The following PROM2 variants were observed in gnomAD, a reference collection of about 807,000 sequenced individuals.
PROM2 encodes prominin-2.
Under a neutral mutation model 110.2 loss-of-function variants are expected in PROM2, and 90 were observed. The ratio of observed to expected loss-of-function variants is 0.82; its 90% CI spans 0.69 to 0.97. The LOEUF is 0.97. PROM2 is among the 50% of genes least tolerant of loss of function. The pLI is 0.00. For synonymous variants in PROM2, 470 were observed against 467.8 expected (o/e 1.00, Z -0.06); for missense variants, 1,009 against 1,074.8 (o/e 0.94, Z 0.86).
rs1200589134 is a variant in PROM2 at position 95,276,966 on chromosome 2, C to T, written c.683-6C>T. 1 of 1,551,698 alleles carries T rather than the reference C, an allele frequency of 6.4e-7. No individual in the cohort carries two copies. The highest frequency in any genetic ancestry group is 8.7e-7 in the Non-Finnish European group (1 of 1,147,000). ...CCCACCCTGCAGACTGCCCTGTGCT[C>T]TGCAGGTGTTGGTGTGAGCATTGGG... is the stretch of plus-strand genomic sequence containing the variant. On this transcript the variant is annotated splice_region_variant and splice_polypyrimidine_tract_variant and intron_variant, in intron 5 of 23. Coordinates refer to ENST00000317620, the MANE Select transcript of PROM2 (RefSeq NM_001165978.3). The surrounding 1 kb of genome is among the most constrained non-coding windows in gnomAD (Gnocchi z 4.6).
At chr2:95,283,119 A>G (rs550340443) in intron 14 of PROM2, among the ~76,000 whole-genome samples, 1 of 152,334 alleles carries the variant, frequency 6.6e-6, no homozygotes, top group African/African-American at 2.4e-5. Context: ...TTAACCAGAC[A>G]GGAGCTCCCC....
At chr2:95,284,869 C>T in intron 14 of PROM2, 100 bp from the exon 15 acceptor site, 1 of 1,332,190 alleles carries the variant, frequency 7.5e-7, no homozygotes. Flanking sequence ...GGACAAATAT[C>T]CAAACCATAT....
intron 11 of PROM2, 43 bp downstream of exon 11, chr2:95,280,040 G>C: frequency 7.3e-7 from 1 of 1,364,828 alleles, no homozygotes; most frequent in Non-Finnish European, 9.5e-7. Context: ...CTCTTATAGG[G>C]CTGGCTGATT....
At chr2:95,281,413 G>C in intron 12 of PROM2, 48 bp downstream of exon 12, 1 of 1,584,714 alleles carries the variant, frequency 6.3e-7, no homozygotes, top group Non-Finnish European at 8.6e-7. Flanking sequence ...GAGGTGGGGG[G>C]CGGTATCAGC....
Position 95,284,987 on chromosome 2 carries a change from C to T in PROM2, c.1747C>T (p.Gln583Ter). The change falls in exon 15 of 24, where the codon CAG becomes TAG. Residue 583 changes from glutamine (Q) to a stop codon, truncating the protein, a stop_gained. Coordinates refer to ENST00000317620, the MANE Select transcript of PROM2 (RefSeq NM_001165978.3). LOFTEE classifies it high-confidence loss of function. ...CTCCCAGTATACCAACAAGCTACGG[C>T]AGGAGTTGCAGAGCCTGAAAGTAGA... The part of the protein sequence containing the change: ...DINQYTNKLR[Q>*]ELQSLKVDTQ... The T allele has an allele frequency of 3.1e-6, 5 of 1,609,902 alleles. No individual in the cohort carries two copies. The highest frequency in any genetic ancestry group is 4.2e-6 in the Non-Finnish European group (5 of 1,178,088).
intron 20 of PROM2, 129 bp from the exon 21 acceptor site, chr2:95,288,082 G>T: frequency 5.0e-6 from 4 of 799,334 alleles, no homozygotes; most frequent in Non-Finnish European, 8.4e-6. Context: ...GTATACAAGT[G>T]TGCGGTGGCC....
Position 95,276,599 on chromosome 2 carries a change from G to A in PROM2, c.624G>A (p.Leu208=), listed in dbSNP as rs747903497. The A allele has an allele frequency of 1.9e-6, 3 of 1,613,838 alleles. No homozygotes were observed. Among genetic ancestry groups the A allele is most frequent in the East Asian group, 2.2e-5 (1 of 44,868 alleles). Residue 208 remains leucine (L), a synonymous_variant, in exon 5 of 24, where the codon CTG becomes CTA. Coordinates refer to ENST00000317620, the MANE Select transcript of PROM2 (RefSeq NM_001165978.3). The surrounding 1 kb of genome is among the most constrained non-coding windows in gnomAD (Gnocchi z 4.6). ...WGLVSDVPQE[L]QAVAQQFSLP... ...AGGGCCTTGTGTTTGCCTAGGAGCT[G>A]CAGGCCGTGGCACAGCAATTCTCCC...
At position 95,279,270 on chromosome 2, in the gene PROM2, TTTTG is replaced by T. The variant is rs916335833; in HGVS notation, c.1274+142_1274+145del. 1.7e-4 allele frequency: 128 copies of T among 738,192 alleles called. No individual in the cohort carries two copies. In the Middle Eastern group the frequency reaches 2.9e-3, roughly 17 times the overall value. 45.7% of individuals were successfully genotyped at this position (738,192 alleles called of 1,614,324 possible). ...CCTGACTGTACTGAGCCTCTGTGTT[TTTTG>T]TTTGTTTGTTTGTTTTTGTTTTTTT... On this transcript the variant is annotated intron_variant, in intron 10 of 23. Transcript: ENST00000317620.
At chr2:95,278,630 G>T (rs1412226665) in intron 8 of PROM2, 91 bp from the exon 9 acceptor site, 1 of 1,433,886 alleles carries the variant, frequency 7.0e-7, no homozygotes, top group African/African-American at 1.4e-5. Flanking sequence ...CACTGAGGGG[G>T]GCCCTCCCTC....
chr2:95,287,469 G>T lies in PROM2; in HGVS notation c.2244+5G>T. On this transcript the variant is annotated splice_donor_5th_base_variant and intron_variant, in intron 20 of 23. Coordinates refer to ENST00000317620, the MANE Select transcript of PROM2 (RefSeq NM_001165978.3). ...GTGGCCTGGGTGAGAGAGGAGGTGA[G>T]TGGGGCCTCAGAAGCAATGACTGAT... 1 of 1,613,676 alleles carries T rather than the reference G, an allele frequency of 6.2e-7. No individual in the cohort carries two copies.
intron 20 of PROM2, 148 bp downstream of exon 20, chr2:95,287,612 A>T: frequency 1.4e-6 from 1 of 719,146 alleles, no homozygotes; most frequent in Non-Finnish European, 2.3e-6. Context: ...TGGCATCTGC[A>T]CCCCTGCTTG....
chr2:95,275,384 C>T lies in PROM2; in HGVS notation c.245-77C>T. On this transcript the variant is annotated intron_variant, in intron 1 of 23. Transcript: ENST00000317620. This position sits in a 1 kb window ranked among gnomAD's most constrained non-coding sequence, Gnocchi z 4.4. ...AGCCCTGCCTCAGAGCCACTTTGCCCTGGCAGTGGGGAGAGGAGGGACACA... is the reference window on the plus strand; with the variant it reads ...AGCCCTGCCTCAGAGCCACTTTGCCTTGGCAGTGGGGAGAGGAGGGACACA... The T allele has an allele frequency of 2.1e-6, 3 of 1,432,252 alleles. No homozygotes were observed. The highest frequency in any genetic ancestry group is 1.8e-4 in the Middle Eastern group (1 of 5,530). 88.7% of individuals were successfully genotyped at this position (1,432,252 alleles called of 1,614,324 possible).
rs777596513 is a variant in PROM2 at position 95,279,861 on chromosome 2, G to A, written c.1291G>A (p.Val431Met). The stretch of plus-strand genomic sequence containing the variant: ...CTGTGGCAGGTGGATCGTGGGCTGC[G>A]TGCTGTGCTCCGTGGTCCTATTCGT... ...YETYRWIVGCVLCSVVLFVVL... is the reference protein window; with the variant it reads ...YETYRWIVGCMLCSVVLFVVL... Residue 431 changes from valine (V) to methionine (M), a missense_variant, in exon 11 of 24, where the codon GTG becomes ATG. Val to Met is a conservative substitution (Grantham distance 21). Transcript: ENST00000317620. 7 of 1,492,094 alleles carry A rather than the reference G, an allele frequency of 4.7e-6. No individual in the cohort carries two copies. Among genetic ancestry groups the A allele is most frequent in the South Asian group, 1.4e-5 (1 of 72,924 alleles). The allele number at this position is 1,492,094 out of a possible 1,614,324, so 92.4% of individuals were successfully genotyped here. A position where few individuals can be genotyped will look rare whatever the true frequency, so the allele number is the denominator to read the frequency against.
At position 95,274,741 on chromosome 2, in the gene PROM2, T is replaced by C; in HGVS notation, c.156T>C (p.Pro52=). 6.2e-7 allele frequency: 1 copy of C among 1,611,572 alleles called. No individual in the cohort carries two copies. The highest frequency in any genetic ancestry group is 1.1e-5 in the South Asian group (1 of 91,016). The change falls in exon 1 of 24, where the codon CCT becomes CCC. Residue 52 remains proline, a synonymous_variant. Coordinates refer to ENST00000317620, the MANE Select transcript of PROM2 (RefSeq NM_001165978.3). ...TPAARARWLA[P]RVRAPGLLDS... is the part of the protein sequence containing the mutation. ...CAGCCAGGGCCCGGTGGCTGGCCCCTCGAGTTCGTGCGCCAGGACTCCTGG... is the reference window on the plus strand; with the variant it reads ...CAGCCAGGGCCCGGTGGCTGGCCCCCCGAGTTCGTGCGCCAGGACTCCTGG...
chr2:95,278,538 A>G, intron 8 of PROM2, 183 bp from the exon 9 acceptor site: 1 of 682,138 alleles, frequency 1.5e-6, no homozygotes, highest in Non-Finnish European at 2.6e-6. Flanking sequence ...CGGGAGGAGC[A>G]ACGTTTTGGG....
intron 14 of PROM2, among the ~76,000 whole-genome samples, chr2:95,282,600 G>C (rs1436754131): frequency 6.6e-6 from 1 of 152,206 alleles, no homozygotes; most frequent in Non-Finnish European, 1.5e-5. Context: ...ATGGTGGTGA[G>C]TCTGGCTAAC....
Position 95,287,118 on chromosome 2 carries a change from T to A in PROM2, c.2095-15T>A. 6.2e-7 allele frequency: 1 copy of A among 1,611,586 alleles called. No homozygotes were observed. The highest frequency in any genetic ancestry group is 1.1e-5 in the South Asian group (1 of 90,990). ...TGAATGTGGGACACTGAGTTGAGGC[T>A]CTCGTCCCCTCCAGCTGGAGACCTC... On this transcript the variant is annotated splice_polypyrimidine_tract_variant and intron_variant, in intron 18 of 23. Transcript: ENST00000317620.
At position 95,277,427 on chromosome 2, in the gene PROM2, G is replaced by A. The variant is rs1266818636; in HGVS notation, c.836G>A (p.Gly279Glu). The A allele has an allele frequency of 3.7e-6, 6 of 1,613,322 alleles. No homozygotes were observed. The Admixed American group carries it at 8.3e-5, about 22-fold the overall frequency. Reference protein sequence around the residue: ...LNATVVELQAGQQDLEPAIRE... With the variant: ...LNATVVELQAEQQDLEPAIRE... ...GCTACAGTGGTAGAGCTGCAGGCCG[G>A]GCAGCAGGACCTGGAGCCAGCCATC... Residue 279 changes from glycine to glutamate, a missense_variant, in exon 7 of 24, where the codon GGG becomes GAG. Coordinates refer to ENST00000317620, the MANE Select transcript of PROM2 (RefSeq NM_001165978.3).
At chr2:95,277,838 G>T in intron 7 of PROM2, 92 bp from the exon 8 acceptor site, 1 of 1,113,082 alleles carries the variant, frequency 9.0e-7, no homozygotes, top group Non-Finnish European at 1.3e-6. Flanking sequence ...GGACATTGGG[G>T]TTCAGAGGCC....
Sources: gnomAD v4.1 joint callset for allele counts (sites outside exome capture counted in the v4.1 genomes callset) on GRCh38, gnomAD v4.1.1 for gene constraint, Gnocchi (gnomAD v3.1) non-coding constraint, MANE v1.5 for transcripts, NCBI Gene and HGNC (gene_info 2026-07-23, HGNC 2026-07-21) for gene names.